The following TRIO variants were observed in gnomAD, a reference collection of about 807,000 sequenced individuals.
The protein encoded by TRIO is trio Rho guanine nucleotide exchange factor, also known as triple functional domain protein.
Under a neutral mutation model 351.9 loss-of-function variants are expected in TRIO, and 58 were observed. The ratio of observed to expected loss-of-function variants is 0.16; its 90% confidence interval spans 0.13 to 0.21. TRIO has a LOEUF of 0.21. TRIO is among the 10% of genes least tolerant of loss of function. The probability of loss-of-function intolerance (pLI) is 1.00; values close to 1 mark genes in which losing one functional copy is unlikely to be tolerated. For synonymous variants in TRIO, 1,758 were observed against 1,595.7 expected (o/e 1.10, Z -2.42); for missense variants, 3,201 against 4,027.8 (o/e 0.79, Z 5.56).
intron 48 of TRIO, chr5:14,488,551 C>A: frequency 1.9e-6 from 1 of 522,098 alleles, no homozygotes. Flanking sequence ...TTGGAACTTT[C>A]TTTTTTAACC....
chr5:14,272,045 A>G (rs961910242), intron 2 of TRIO, among the ~76,000 whole-genome samples: 6 of 152,272 alleles, frequency 3.9e-5, no homozygotes, highest in African/African-American at 4.8e-5. Context: ...TTGGAAATAC[A>G]TGGTGAAAAA....
At chr5:14,414,691 C>T (rs977486449) in intron 33 of TRIO, among the ~76,000 whole-genome samples, 3 of 151,992 alleles carry the variant, frequency 2.0e-5, no homozygotes, top group Non-Finnish European at 4.4e-5. Context: ...AGGTTTCTTT[C>T]TGTACCCCTA....
chr5:14,302,387 A>G (rs914950893), intron 7 of TRIO, among the ~76,000 whole-genome samples: 1 of 152,224 alleles, frequency 6.6e-6, no homozygotes, highest in African/African-American at 2.4e-5. Flanking sequence ...TTTATTAATG[A>G]TGATGGTTAA....
Position 14,394,032 on chromosome 5 carries a change from A to AT in TRIO, c.4219-5dup. 6.2e-7 allele frequency: 1 copy of AT among 1,607,738 alleles called. No individual in the cohort carries two copies. ...AACTCTTGTTTCTTGTTTGGTTTTAATACAGGAGATACAGCAGCGACATGG... is the reference window on the plus strand; with the variant it reads ...AACTCTTGTTTCTTGTTTGGTTTTAATTACAGGAGATACAGCAGCGACATGG... On this transcript the variant is annotated splice_region_variant and splice_polypyrimidine_tract_variant and intron_variant, in intron 27 of 56. Transcript: ENST00000344204.
intron 1 of TRIO, among the ~76,000 whole-genome samples, chr5:14,147,014 T>A (rs1581228394): frequency 1.3e-5 from 2 of 152,210 alleles, no homozygotes; most frequent in South Asian, 4.1e-4. Flanking sequence ...GATTGAGTTG[T>A]AATAATGTGA....
At chr5:14,507,799 T>C in intron 56 of TRIO, 81 bp from the exon 57 acceptor site, 2 of 1,510,984 alleles carry the variant, frequency 1.3e-6, no homozygotes, top group Non-Finnish European at 1.8e-6. Flanking sequence ...TCCTTCCACC[T>C]CACCATAGAG....
intron 31 of TRIO, among the ~76,000 whole-genome samples, chr5:14,405,440 G>A (rs1376375021): frequency 6.6e-6 from 1 of 152,214 alleles, no homozygotes; most frequent in Admixed American, 6.5e-5. Context: ...AGGCCGCAAG[G>A]CTGTGGGGAT....
At chr5:14,491,596 G>T (rs1317174867) in intron 48 of TRIO, among the ~76,000 whole-genome samples, 2 of 152,314 alleles carry the variant, frequency 1.3e-5, no homozygotes, top group East Asian at 3.9e-4. Flanking sequence ...TGCCGTTTGT[G>T]TTTCTTCTCA....
In TRIO at chr5:14,199,195, CAAA is replaced by C. The variant is rs58856067; in HGVS notation, c.157+55335_157+55337del. On this transcript the variant is annotated intron_variant, in intron 1 of 56. Coordinates refer to ENST00000344204, the MANE Select transcript of TRIO (RefSeq NM_007118.4). ...CCAGCCTGGGCAACAGAGTGGGACT[CAAA>C]AAAAAAAAAAAAAAAAAAAAACCTC... Among the ~76,000 whole-genome samples, 19 of 74,248 alleles carry C rather than the reference CAAA, an allele frequency of 2.6e-4. No homozygotes were observed. The East Asian group carries it at 4.1e-3, about 16-fold the overall frequency. 48.7% of individuals were successfully genotyped at this position (74,248 alleles called of 152,430 possible). A position where few individuals can be genotyped will look rare whatever the true frequency, so the allele number is the denominator to read the frequency against.
At chr5:14,292,888 C>G in intron 5 of TRIO, 124 bp from the exon 6 acceptor site, 1 of 1,363,662 alleles carries the variant, frequency 7.3e-7, no homozygotes. Flanking sequence ...CTGAGAGAAT[C>G]AGACAGCGCT....
chr5:14,405,816 C>A (rs146298776), intron 31 of TRIO, 32 bp from the exon 32 acceptor site: 446 of 1,604,224 alleles, frequency 2.8e-4, no homozygotes, highest in South Asian at 2.0e-3. Context: ...AGGGCCGTTC[C>A]GTATCCTAAG....
intron 1 of TRIO, among the ~76,000 whole-genome samples, chr5:14,227,751 C>T (rs77441483): frequency 1.3e-5 from 2 of 152,134 alleles, no homozygotes; most frequent in Admixed American, 1.3e-4. Flanking sequence ...GATACGGACT[C>T]TTAACTCTTA....
Position 14,487,700 on chromosome 5 carries a change from T to C in TRIO, c.7072T>C (p.Ser2358Pro), listed in dbSNP as rs1756057822. 6 of 1,435,604 alleles carry C rather than the reference T, an allele frequency of 4.2e-6. No individual in the cohort carries two copies. The highest frequency in any genetic ancestry group is 5.5e-6 in the Non-Finnish European group (6 of 1,084,664). The allele number at this position is 1,435,604 out of a possible 1,614,324, so 88.9% of individuals were successfully genotyped here. A position where few individuals can be genotyped will look rare whatever the true frequency, so the allele number is the denominator to read the frequency against. ...HPPVLVSSAASSQAEADKMSG... is the reference protein window; with the variant it reads ...HPPVLVSSAAPSQAEADKMSG... ...CCCCGTGCTGGTCTCCTCTGCAGCC[T>C]CGAGCCAGGCAGAGGCAGACAAGAT... The change falls in exon 48 of 57, where the codon TCG becomes CCG. Residue 2358 changes from serine (S) to proline (P), a missense_variant. By Grantham distance (74) the Ser-to-Pro change is moderately conservative. Transcript: ENST00000344204.
intron 1 of TRIO, among the ~76,000 whole-genome samples, chr5:14,161,793 T>A (rs1487069477): frequency 6.6e-6 from 1 of 152,216 alleles, no homozygotes; most frequent in Non-Finnish European, 1.5e-5. Context: ...GTGGTGTGAT[T>A]ATGGCTTACT....
At chr5:14,277,771 GT>G (rs1286658771) in intron 2 of TRIO, among the ~76,000 whole-genome samples, 1 of 152,214 alleles carries the variant, frequency 6.6e-6, no homozygotes, top group Non-Finnish European at 1.5e-5. Context: ...CACCTGTGTA[GT>G]TGATTTTAAG....
At chr5:14,174,584 A>G (rs967351622) in intron 1 of TRIO, among the ~76,000 whole-genome samples, 1 of 152,336 alleles carries the variant, frequency 6.6e-6, no homozygotes, top group South Asian at 2.1e-4. Context: ...TCAGGGTCGT[A>G]TACAACACAC....
chr5:14,335,133 A>C (rs1741278129), intron 10 of TRIO, among the ~76,000 whole-genome samples: 1 of 152,222 alleles, frequency 6.6e-6, no homozygotes. Context: ...AGTTCACTCA[A>C]GTTTTCTCCT....
chr5:14,342,829 A>G (rs905391715), intron 11 of TRIO, among the ~76,000 whole-genome samples: 11 of 152,212 alleles, frequency 7.2e-5, no homozygotes, highest in South Asian at 2.1e-4. Context: ...CAATAAATCT[A>G]TTGTTGAAAA....
chr5:14,355,491 C>G (rs1291534442), intron 11 of TRIO, among the ~76,000 whole-genome samples: 3 of 152,188 alleles, frequency 2.0e-5, no homozygotes, highest in African/African-American at 7.2e-5. Flanking sequence ...CAAACTGAGT[C>G]TCTGAGAAAT....
Sources: allele counts gnomAD v4.1 joint callset (sites outside exome capture counted in the v4.1 genomes callset), GRCh38; gene constraint gnomAD v4.1.1; transcripts MANE v1.5; gene names NCBI Gene and HGNC (gene_info 2026-07-23, HGNC 2026-07-21).